Variants in NTM observed in about 807,000 individuals in gnomAD.
NTM encodes IgLON family member 2.
Under a neutral mutation model 42.1 loss-of-function variants are expected in NTM, and 13 were observed. The ratio of observed to expected loss-of-function variants is 0.31; its 90% CI spans 0.20 to 0.49. The LOEUF is 0.49. NTM is among the 20% of genes least tolerant of loss of function. The pLI, the probability that NTM is intolerant of heterozygous loss-of-function variation, is 0.99. For missense variants in NTM, 373 were observed against 452.8 expected, an observed-to-expected ratio of 0.82 and a Z score of 1.60; for synonymous variants, 187 against 179.2, an observed-to-expected ratio of 1.04 and a Z score of -0.35.
chr11:132,170,773 TA>T, intron 3 of NTM, among the ~76,000 whole-genome samples: 2 of 152,048 alleles, frequency 1.3e-5, no homozygotes, highest in East Asian at 1.9e-4. Flanking sequence ...GCATTCAATT[TA>T]AAAAAAATAA....
intron 4 of NTM, among the ~76,000 whole-genome samples, chr11:132,273,422 G>T (rs1245162386): frequency 6.7e-6 from 1 of 148,276 alleles, no homozygotes; most frequent in Non-Finnish European, 1.5e-5. Context: ...TGGAATTAGG[G>T]TAATACTAGC....
At chr11:131,469,160 A>G (rs761434524) in intron 1 of NTM, among the ~76,000 whole-genome samples, 4 of 151,950 alleles carry the variant, frequency 2.6e-5, no homozygotes, top group Non-Finnish European at 5.9e-5. Flanking sequence ...GCGCCTCTGC[A>G]TCTCCCCTCC....
chr11:131,375,688 A>T (rs548259931), intron 1 of NTM, among the ~76,000 whole-genome samples: 1 of 152,296 alleles, frequency 6.6e-6, no homozygotes, highest in Non-Finnish European at 1.5e-5. Context: ...GGAGTTTCAG[A>T]AAAAATAGCT....
rs200594646 is a variant in NTM at position 131,433,350 on chromosome 11, G to T, written c.82+62462G>T. Among the ~76,000 whole-genome samples the T allele has an allele frequency of 2.0e-5, 3 of 152,058 alleles. No homozygotes were observed. The East Asian group carries it at 5.8e-4, about 29-fold the overall frequency. The stretch of plus-strand genomic sequence containing the variant: ...TTTTTCCTGGAGTTACGTATTTTCT[G>T]TGTATGTCTATTTTTTCCCCACAGT... On this transcript the variant is annotated intron_variant, in intron 1 of 8. Transcript: ENST00000683400.
intron 2 of NTM, among the ~76,000 whole-genome samples, chr11:132,025,090 T>C (rs1452705650): frequency 6.6e-6 from 1 of 152,172 alleles, no homozygotes; most frequent in South Asian, 2.1e-4. Context: ...AGTCATGGGA[T>C]TCAGCTACAG....
At chr11:131,385,618 T>G (rs1487575245) in intron 1 of NTM, among the ~76,000 whole-genome samples, 2 of 152,156 alleles carry the variant, frequency 1.3e-5, no homozygotes, top group Admixed American at 6.5e-5. Context: ...TCTGGGAGGC[T>G]GAAGCTGGAG....
chr11:131,663,936 AGCTTGTGTCT>A (rs1244193939), intron 1 of NTM, among the ~76,000 whole-genome samples: 2 of 152,338 alleles, frequency 1.3e-5, no homozygotes, highest in South Asian at 4.1e-4. Context: ...CTTGAATTAG[AGCTTGTGTCT>A]ATCTGACTAC....
At chr11:131,435,765 G>A (rs1422494118) in intron 1 of NTM, among the ~76,000 whole-genome samples, 1 of 152,102 alleles carries the variant, frequency 6.6e-6, no homozygotes, top group Non-Finnish European at 1.5e-5. Flanking sequence ...TTTCCTAATT[G>A]AATACCCTTT....
At chr11:132,295,745 G>C (rs2094587453) in intron 4 of NTM, among the ~76,000 whole-genome samples, 1 of 152,224 alleles carries the variant, frequency 6.6e-6, no homozygotes, top group South Asian at 2.1e-4. Flanking sequence ...ATGTAGGCAA[G>C]AGCCAGCTCA....
chr11:131,971,585 C>G (rs149334648), intron 2 of NTM, among the ~76,000 whole-genome samples: 53 of 152,172 alleles, frequency 3.5e-4, no homozygotes, highest in African/African-American at 1.2e-3. Context: ...TGATTAAGAG[C>G]ATATATGCTG....
intron 2 of NTM, among the ~76,000 whole-genome samples, chr11:131,979,106 A>AT (rs1465769994): frequency 6.6e-6 from 1 of 152,010 alleles, no homozygotes; most frequent in Non-Finnish European, 1.5e-5. Context: ...AGCTAAGGGG[A>AT]TTTTCAAACA....
intron 4 of NTM, among the ~76,000 whole-genome samples, chr11:132,302,695 T>C (rs1041131223): frequency 6.6e-6 from 1 of 152,136 alleles, no homozygotes; most frequent in Non-Finnish European, 1.5e-5. Flanking sequence ...TTCAATCGCA[T>C]TGGAAAAAGA....
At chr11:131,839,990 G>A (rs2136661611) in intron 1 of NTM, among the ~76,000 whole-genome samples, 1 of 152,346 alleles carries the variant, frequency 6.6e-6, no homozygotes, top group African/African-American at 2.4e-5. Flanking sequence ...ACAACTGGAG[G>A]ATGGACTTGC....
At position 132,155,493 on chromosome 11, in the gene NTM, C is replaced by T. The variant is rs554341695; in HGVS notation, c.400+8979C>T. On this transcript the variant is annotated intron_variant, in intron 3 of 8. Transcript: ENST00000683400. ...GATGTGGGTCCCTGTTCCCAGAAAC[C>T]GGTCTGGGTCGCATCCCGTTTCTCC... is the stretch of plus-strand genomic sequence containing the variant. Among the ~76,000 whole-genome samples the T allele has an allele frequency of 2.9e-4, 44 of 152,282 alleles. 1 individual carries two copies. The highest frequency in any genetic ancestry group is 1.0e-3 in the South Asian group (5 of 4,824).
rs114472303 is a variant in NTM, at chr11:131,659,723, C to T, written c.83-251841C>T. Among the ~76,000 whole-genome samples the T allele has an allele frequency of 4.8e-3, 729 of 152,238 alleles. 9 individuals carry two copies. Among genetic ancestry groups the T allele is most frequent in the African/African-American group, 0.017 (686 of 41,532 alleles). ...ATGTGATCGGGATGCAATATTTGACCGTAATTCCATTTCTGGCAGAGCATC... is the reference window on the plus strand; with the variant it reads ...ATGTGATCGGGATGCAATATTTGACTGTAATTCCATTTCTGGCAGAGCATC... On this transcript the variant is annotated intron_variant, in intron 1 of 8. Coordinates refer to ENST00000683400, the MANE Select transcript of NTM (RefSeq NM_001352005.2).
intron 3 of NTM, among the ~76,000 whole-genome samples, chr11:132,167,034 A>T (rs979617485): frequency 2.0e-5 from 3 of 152,132 alleles, no homozygotes; most frequent in African/African-American, 7.2e-5. Context: ...CCATCATGGC[A>T]TATTTTTTTA....
chr11:132,044,465 T>G (rs759934276), intron 2 of NTM, among the ~76,000 whole-genome samples: 2 of 152,140 alleles, frequency 1.3e-5, no homozygotes, highest in Admixed American at 6.5e-5. Context: ...TCAGTAGATG[T>G]GTCTGTTCAA....
At chr11:131,725,712 C>T (rs552145283) in intron 1 of NTM, among the ~76,000 whole-genome samples, 5 of 152,240 alleles carry the variant, frequency 3.3e-5, no homozygotes, top group Non-Finnish European at 7.4e-5. Context: ...AAGGCTGTTA[C>T]AAATATTTAG....
intron 3 of NTM, among the ~76,000 whole-genome samples, chr11:132,169,317 T>G (rs2075766542): frequency 7.2e-6 from 1 of 138,264 alleles, no homozygotes; most frequent in South Asian, 2.3e-4. Context: ...TTTAATTTTT[T>G]TACTTTTTTT....
Sources: gnomAD v4.1 joint callset for allele counts (sites outside exome capture counted in the v4.1 genomes callset) on GRCh38, gnomAD v4.1.1 for gene constraint, MANE v1.5 for transcripts, NCBI Gene and HGNC (gene_info 2026-07-23, HGNC 2026-07-21) for gene names.